STXBP5L: variants seen among roughly 807,000 people sequenced by gnomAD.
STXBP5L encodes the protein syntaxin binding protein 5L.
Under a neutral mutation model 144.5 loss-of-function variants are expected in STXBP5L, and 65 were observed. That is an observed-to-expected ratio of 0.45 (90% CI 0.37 to 0.55). The LOEUF is 0.55. Among genes scored for constraint, STXBP5L ranks in the 20% least tolerant of loss-of-function variants. The pLI is 0.00. For synonymous variants in STXBP5L, 505 were observed against 469.6 expected (o/e 1.08, Z -0.97); for missense variants, 1,298 against 1,405.5 (o/e 0.92, Z 1.22).
chr3:121,019,667 G>A (rs1470881074), intron 3 of STXBP5L, among the ~76,000 whole-genome samples: 1 of 152,158 alleles, frequency 6.6e-6, no homozygotes, highest in Non-Finnish European at 1.5e-5. Flanking sequence ...AGATCTGGAA[G>A]AGAAATAACA....
At chr3:121,045,304 C>T (rs1947437565) in intron 4 of STXBP5L, 131 bp from the exon 5 acceptor site, 9 of 784,650 alleles carry the variant, frequency 1.1e-5, no homozygotes, top group Non-Finnish European at 1.6e-5. Flanking sequence ...TGCACCTATC[C>T]TTCCTTATAT....
chr3:121,310,853 G>A (rs2043501504), intron 19 of STXBP5L, among the ~76,000 whole-genome samples: 1 of 151,848 alleles, frequency 6.6e-6, no homozygotes, highest in Admixed American at 6.6e-5. Flanking sequence ...AGGTTGCAGT[G>A]AGCCAAGATC....
chr3:121,350,047 C>G (rs1338180953), intron 20 of STXBP5L, among the ~76,000 whole-genome samples: 1 of 152,102 alleles, frequency 6.6e-6, no homozygotes, highest in Non-Finnish European at 1.5e-5. Flanking sequence ...CAGTTTCTCC[C>G]TAGCCTCAAT....
chr3:121,320,510 T>C (rs1341481809), intron 20 of STXBP5L, among the ~76,000 whole-genome samples: 1 of 152,104 alleles, frequency 6.6e-6, no homozygotes, highest in Non-Finnish European at 1.5e-5. Context: ...GTTGAATAGA[T>C]GTGGTATAAG....
At chr3:121,258,988 A>C (rs2050298508) in intron 17 of STXBP5L, 55 bp from the exon 18 acceptor site, 12 of 1,468,244 alleles carry the variant, frequency 8.2e-6, no homozygotes, top group Non-Finnish European at 1.0e-5. Flanking sequence ...TCTCAAGATA[A>C]GTTTGACCAT....
At chr3:121,350,479 G>A (rs1025664358) in intron 20 of STXBP5L, among the ~76,000 whole-genome samples, 5 of 152,100 alleles carry the variant, frequency 3.3e-5, no homozygotes, top group Non-Finnish European at 7.3e-5. Context: ...GGTGTTCTCT[G>A]TATTTCTTGA....
At chr3:120,945,887 A>G (rs1418847674) in intron 2 of STXBP5L, among the ~76,000 whole-genome samples, 2 of 151,844 alleles carry the variant, frequency 1.3e-5, no homozygotes, top group African/African-American at 4.8e-5. Context: ...TCTTTATCTC[A>G]GACATGCAAG....
intron 3 of STXBP5L, among the ~76,000 whole-genome samples, chr3:121,034,368 A>G (rs1252671136): frequency 2.0e-5 from 3 of 152,078 alleles, no homozygotes; most frequent in African/African-American, 2.4e-5. Flanking sequence ...ACTCCCATCT[A>G]TAAGTGAGAC....
chr3:120,918,318 T>C (rs1312489987), intron 2 of STXBP5L, among the ~76,000 whole-genome samples: 1 of 152,206 alleles, frequency 6.6e-6, no homozygotes, highest in Non-Finnish European at 1.5e-5. Flanking sequence ...AGCTAACATA[T>C]TCACAGGTTC....
In STXBP5L at chr3:121,335,111, T is replaced by C. The variant is rs1345275148; in HGVS notation, c.2176+16571T>C. 3.9e-5 allele frequency among the ~76,000 whole-genome samples: 6 copies of C among 152,150 alleles called. No homozygotes were observed. The East Asian group carries it at 1.2e-3, about 29-fold the overall frequency. ...CTGATAAACACCTTCAGCAATGTTT[T>C]AGGATACAAGAATCAATGTACAAAA... On this transcript the variant is annotated intron_variant, in intron 20 of 26. Coordinates refer to ENST00000471454, the MANE Select transcript of STXBP5L (RefSeq NM_001308330.2).
At chr3:120,994,575 G>A (rs965706226) in intron 3 of STXBP5L, among the ~76,000 whole-genome samples, 2 of 152,022 alleles carry the variant, frequency 1.3e-5, no homozygotes, top group African/African-American at 4.8e-5. Flanking sequence ...TTTTGTTGAT[G>A]TATTTCATTT....
intron 23 of STXBP5L, among the ~76,000 whole-genome samples, chr3:121,412,476 G>A (rs1311635845): frequency 6.6e-6 from 1 of 152,070 alleles, no homozygotes; most frequent in Non-Finnish European, 1.5e-5. Flanking sequence ...ACAAAAGGAA[G>A]GAAGGAAGGT....
chr3:121,246,375 GCT>G (rs1267865578), intron 14 of STXBP5L, among the ~76,000 whole-genome samples: 3 of 152,292 alleles, frequency 2.0e-5, no homozygotes, highest in East Asian at 3.9e-4. Context: ...GTTGGGGAGT[GCT>G]CTGTTAGACC....
intron 3 of STXBP5L, among the ~76,000 whole-genome samples, chr3:120,966,279 T>C (rs1371591542): frequency 2.6e-5 from 4 of 152,218 alleles, no homozygotes; most frequent in African/African-American, 9.6e-5. Context: ...AGCCTACTTC[T>C]GTCAACTTGT....
At chr3:121,231,141 A>C (rs1459148126) in intron 11 of STXBP5L, among the ~76,000 whole-genome samples, 1 of 152,098 alleles carries the variant, frequency 6.6e-6, no homozygotes, top group Non-Finnish European at 1.5e-5. Context: ...TAATATGCAC[A>C]TTGTGGCCTC....
chr3:121,041,175 T>C (rs1947126528), intron 3 of STXBP5L, among the ~76,000 whole-genome samples: 1 of 152,084 alleles, frequency 6.6e-6, no homozygotes, highest in African/African-American at 2.4e-5. Context: ...TTCTCGTTTT[T>C]TTACCTTATC....
chr3:121,111,736 C>A (rs142942146), intron 5 of STXBP5L, among the ~76,000 whole-genome samples: 30 of 152,320 alleles, frequency 2.0e-4, no homozygotes, highest in African/African-American at 6.7e-4. Flanking sequence ...ACGAAGCACT[C>A]TGGCTGGGCT....
At chr3:120,945,657 A>T (rs1710810617) in intron 2 of STXBP5L, among the ~76,000 whole-genome samples, 1 of 151,790 alleles carries the variant, frequency 6.6e-6, no homozygotes, top group Non-Finnish European at 1.5e-5. Context: ...TGAAGAGGCG[A>T]GAGTAAAACG....
chr3:121,282,104 AT>A (rs1388219140), intron 19 of STXBP5L, among the ~76,000 whole-genome samples: 1 of 151,710 alleles, frequency 6.6e-6, no homozygotes, highest in Non-Finnish European at 1.5e-5. Flanking sequence ...TAATTGATTT[AT>A]TTTATTAATA....
Sources: gnomAD v4.1 joint callset for allele counts (sites outside exome capture counted in the v4.1 genomes callset) on GRCh38, gnomAD v4.1.1 for gene constraint, MANE v1.5 for transcripts, NCBI Gene and HGNC (gene_info 2026-07-23, HGNC 2026-07-21) for gene names.